SMAD9: variants seen among roughly 807,000 people sequenced by gnomAD.
SMAD9 encodes the protein SMAD family member 9, also known as MAD homolog 9.
In SMAD9, 36 loss-of-function variants were observed where a neutral mutation model predicts 46.1. The ratio of observed to expected loss-of-function variants is 0.78; its 90% confidence interval spans 0.60 to 1.03. The LOEUF (loss-of-function observed/expected upper bound fraction) is 1.03, where lower values mean the gene tolerates loss of function less well. Ranked by LOEUF, SMAD9 falls within the 50% of genes least tolerant of loss-of-function variation. The pLI is 0.00. For missense variants in SMAD9, 572 were observed against 599.8 expected, an observed-to-expected ratio of 0.95 and a Z score of 0.48; for synonymous variants, 245 against 237.1, an observed-to-expected ratio of 1.03 and a Z score of -0.31.
Position 36,849,322 on chromosome 13 carries a change from T to G in SMAD9, c.1261-503A>C, listed in dbSNP as rs542532263. On this transcript the variant is annotated intron_variant, in intron 6 of 6. Transcript: ENST00000379826. The stretch of plus-strand genomic sequence containing the variant: ...AGTTCAACTGGCAATTTCCCTTTTA[T>G]CACCATTCAAAGGAGAGACAGTTAA... The G allele has an allele frequency of 1.6e-4, 25 of 154,738 alleles. 1 individual carries two copies. In the South Asian group the frequency reaches 4.2e-3, roughly 26 times the overall value. The allele number at this position is 154,738 out of a possible 1,614,324, so 9.6% of individuals were successfully genotyped here. A position where few individuals can be genotyped will look rare whatever the true frequency, so the allele number is the denominator to read the frequency against.
intron 1 of SMAD9, among the ~76,000 whole-genome samples, chr13:36,894,119 A>G (rs1389910615): frequency 6.6e-6 from 1 of 152,172 alleles, no homozygotes; most frequent in Non-Finnish European, 1.5e-5. Context: ...AATGAATAAG[A>G]ATGTTAAGAA....
intron 1 of SMAD9, among the ~76,000 whole-genome samples, chr13:36,914,344 C>G (rs1253145313): frequency 6.6e-6 from 1 of 152,028 alleles, no homozygotes; most frequent in Non-Finnish European, 1.5e-5. Flanking sequence ...ATGGTGAAAC[C>G]CTGTCTCTAC....
intron 1 of SMAD9, among the ~76,000 whole-genome samples, chr13:36,910,188 C>T (rs1172142674): frequency 6.7e-6 from 1 of 148,534 alleles, no homozygotes; most frequent in Non-Finnish European, 1.5e-5. Context: ...CACAGCGAGA[C>T]TCCGTCTCAA....
chr13:36,893,685 G>C (rs955838562), intron 1 of SMAD9, among the ~76,000 whole-genome samples: 1 of 151,708 alleles, frequency 6.6e-6, no homozygotes, highest in South Asian at 2.1e-4. Context: ...AGATGACATA[G>C]AGTATGAAAT....
At chr13:36,852,265 A>G (rs1179311356) in intron 6 of SMAD9, 3 of 975,188 alleles carry the variant, frequency 3.1e-6, no homozygotes, top group Non-Finnish European at 3.7e-6. Context: ...TGCTAATAAA[A>G]TTTACTTTGA....
intron 1 of SMAD9, among the ~76,000 whole-genome samples, chr13:36,910,300 T>C (rs927181910): frequency 1.3e-5 from 2 of 151,834 alleles, no homozygotes; most frequent in African/African-American, 4.8e-5. Context: ...GATGGAACCA[T>C]AGTGAATATG....
In SMAD9 at chr13:36,893,855, T is replaced by C. The variant is rs184285009; in HGVS notation, c.-186-13980A>G. ...CCAACAAGAAGATGTGGCATTAGTA[T>C]GTTATACTGTCATATTATATTATAT... On this transcript the variant is annotated intron_variant, in intron 1 of 6. Coordinates refer to ENST00000379826, the MANE Select transcript of SMAD9 (RefSeq NM_001127217.3). Among the ~76,000 whole-genome samples, 1,072 of 152,270 alleles carry C rather than the reference T, an allele frequency of 7.0e-3. 4 individuals are homozygous for C. Among genetic ancestry groups the C allele is most frequent in the Middle Eastern group, 0.027 (8 of 294 alleles).
In SMAD9 at chr13:36,848,729, T is replaced by C. The variant is rs1480119539; in HGVS notation, c.1351A>G (p.Lys451Glu). ...GGAGAGCCCATCTGAGTCAGAACTT[T>C]GTCCAGCCACTGCAGTGGCCCATGA... ...HLHGPLQWLDKVLTQMGSPHN... is the reference protein window; with the variant it reads ...HLHGPLQWLDEVLTQMGSPHN... Residue 451 changes from lysine to glutamate, a missense_variant, in exon 7 of 7, where the codon AAA (lysine) becomes GAA (glutamate). By Grantham distance (56) the Lys-to-Glu change is moderately conservative. Coordinates refer to ENST00000379826, the MANE Select transcript of SMAD9 (RefSeq NM_001127217.3). 1 of 1,613,986 alleles carries C rather than the reference T, an allele frequency of 6.2e-7. No homozygotes were observed. The highest frequency in any genetic ancestry group is 1.3e-5 in the African/African-American group (1 of 74,916).
chr13:36,865,275 T>C (rs968600084), intron 5 of SMAD9, among the ~76,000 whole-genome samples: 2 of 152,200 alleles, frequency 1.3e-5, no homozygotes, highest in African/African-American at 4.8e-5. Flanking sequence ...TTCATATTTA[T>C]CATCTTGCTT....
At chr13:36,883,620 G>A (rs756911017) in intron 1 of SMAD9, among the ~76,000 whole-genome samples, 39 of 152,090 alleles carry the variant, frequency 2.6e-4, no homozygotes, top group Admixed American at 1.8e-3. Context: ...GCGTGGTGGC[G>A]GGTACATGTA....
Position 36,848,471 on chromosome 13 carries a change from C to G in SMAD9, c.*205G>C, listed in dbSNP as rs1009549535. ...AATCTGCTGCTTATAGCACAGGCAC[C>G]AAAGTCCTGCTTTTCCAATTGCACT... On this transcript the variant is annotated 3_prime_UTR_variant, in exon 7 of 7. Coordinates refer to ENST00000379826, the MANE Select transcript of SMAD9 (RefSeq NM_001127217.3). 1.7e-6 allele frequency: 1 copy of G among 600,938 alleles called. No homozygotes were observed. The highest frequency in any genetic ancestry group is 2.9e-6 in the Non-Finnish European group (1 of 339,040). 37.2% of individuals were successfully genotyped at this position (600,938 alleles called of 1,614,324 possible).
chr13:36,897,809 A>G (rs2138614074), intron 1 of SMAD9, among the ~76,000 whole-genome samples: 1 of 149,342 alleles, frequency 6.7e-6, no homozygotes, highest in South Asian at 2.1e-4. Flanking sequence ...CCCAAAGTTC[A>G]TTAGTGGAAA....
At position 36,865,705 on chromosome 13, in the gene SMAD9, A is replaced by G; in HGVS notation, c.835T>C (p.Tyr279His). ...EPQHWCSVAY[Y>H]ELNNRVGETF... is the part of the protein sequence containing the mutation. The stretch of plus-strand genomic sequence containing the variant: ...TCCCCAACTCGGTTGTTCAGTTCAT[A>G]GTAGGCGACCGAGCACCAGTGCTGG... The change falls in exon 5 of 7, where the codon TAT becomes CAT. Residue 279 changes from tyrosine (Y) to histidine (H), a missense_variant. By Grantham distance (83) the Tyr-to-His change is moderately conservative. Transcript: ENST00000379826. The G allele has an allele frequency of 1.2e-6, 2 of 1,614,200 alleles. No individual in the cohort carries two copies. Among genetic ancestry groups the G allele is most frequent in the South Asian group, 1.1e-5 (1 of 91,082 alleles).
At chr13:36,904,701 T>C (rs1352967439) in intron 1 of SMAD9, among the ~76,000 whole-genome samples, 1 of 152,242 alleles carries the variant, frequency 6.6e-6, no homozygotes, top group Non-Finnish European at 1.5e-5. Context: ...CAGTACCTTG[T>C]ACATATTTCT....
intron 1 of SMAD9, among the ~76,000 whole-genome samples, chr13:36,914,355 TAAAAATACA>T (rs1389562134): frequency 6.6e-6 from 1 of 151,964 alleles, no homozygotes; most frequent in Non-Finnish European, 1.5e-5. Context: ...CTGTCTCTAC[TAAAAATACA>T]AAAAATTAGC....
At chr13:36,850,618 A>G (rs1466573030) in intron 6 of SMAD9, among the ~76,000 whole-genome samples, 1 of 152,094 alleles carries the variant, frequency 6.6e-6, no homozygotes, top group Non-Finnish European at 1.5e-5. Context: ...ACCTCAAGCA[A>G]TCCACCCACC....
At chr13:36,851,282 T>C (rs2138268638) in intron 6 of SMAD9, among the ~76,000 whole-genome samples, 1 of 152,186 alleles carries the variant, frequency 6.6e-6, no homozygotes, top group East Asian at 1.9e-4. Context: ...CTCTTCAGAG[T>C]TTCCAGGTGT....
intron 1 of SMAD9, among the ~76,000 whole-genome samples, chr13:36,902,926 T>G (rs1178711368): frequency 6.6e-6 from 1 of 152,172 alleles, no homozygotes; most frequent in Non-Finnish European, 1.5e-5. Flanking sequence ...GTTTGATGTT[T>G]GCTAAATGAA....
Position 36,872,725 on chromosome 13 carries a change from C to G in SMAD9, c.603G>C (p.Pro201=). ...GGGAGTGAGGGTAGCTGGCCGTGCACGGGGACTGGGAGAACGCGTGGCTGG... is the reference window on the plus strand; with the variant it reads ...GGGAGTGAGGGTAGCTGGCCGTGCAGGGGGACTGGGAGAACGCGTGGCTGG... ...PSPSHAFSQS[P]CTASYPHSPG... The change falls in exon 3 of 7, where the codon CCG becomes CCC. Residue 201 remains proline (P), a synonymous_variant. Transcript: ENST00000379826. 6.2e-7 allele frequency: 1 copy of G among 1,613,882 alleles called. No individual in the cohort carries two copies. Among genetic ancestry groups the G allele is most frequent in the East Asian group, 2.2e-5 (1 of 44,832 alleles).
Sources: gnomAD v4.1 joint callset for allele counts (sites outside exome capture counted in the v4.1 genomes callset) on GRCh38, gnomAD v4.1.1 for gene constraint, MANE v1.5 for transcripts, NCBI Gene and HGNC (gene_info 2026-07-23, HGNC 2026-07-21) for gene names.